Variants in SLC5A11 observed in about 807,000 individuals in gnomAD.
SLC5A11 encodes the protein sodium/myo-inositol cotransporter 2.
In SLC5A11, 48 loss-of-function variants were observed where a neutral mutation model predicts 69.8. The observed-to-expected ratio is 0.69, with a 90% CI of 0.55 to 0.87. The LOEUF (loss-of-function observed/expected upper bound fraction) is 0.87. SLC5A11 is among the 40% of genes least tolerant of loss of function. The pLI, the probability that SLC5A11 is intolerant of heterozygous loss-of-function variation, is 0.00. For missense variants in SLC5A11, 784 were observed against 866.1 expected (o/e 0.91, Z 1.19); for synonymous variants, 319 against 342.4 (o/e 0.93, Z 0.75).
intron 14 of SLC5A11, among the ~76,000 whole-genome samples, chr16:24,909,358 G>C (rs891450086): frequency 6.6e-6 from 1 of 152,108 alleles, no homozygotes; most frequent in Non-Finnish European, 1.5e-5. Context: ...TAAACATAAG[G>C]CTGGGGTGCG....
intron 9 of SLC5A11, among the ~76,000 whole-genome samples, chr16:24,896,801 T>C (rs567009794): frequency 2.6e-5 from 4 of 152,248 alleles, no homozygotes; most frequent in East Asian, 3.9e-4. Context: ...TTTCTCTCCA[T>C]TTCCTGGTTT....
At chr16:24,856,752 CAG>C (rs1480001021) in intron 1 of SLC5A11, among the ~76,000 whole-genome samples, 2 of 150,320 alleles carry the variant, frequency 1.3e-5, no homozygotes, top group Non-Finnish European at 3.0e-5. Context: ...GCCTGGGAGA[CAG>C]AGTGAGACTC....
intron 1 of SLC5A11, among the ~76,000 whole-genome samples, chr16:24,847,547 G>T (rs2059083928): frequency 6.6e-6 from 1 of 151,806 alleles, no homozygotes; most frequent in South Asian, 2.1e-4. Context: ...GTACAAATGG[G>T]GTCTCCCTGT....
At chr16:24,910,605 C>G in intron 15 of SLC5A11, 128 bp downstream of exon 16, 1 of 1,057,134 alleles carries the variant, frequency 9.5e-7, no homozygotes, top group South Asian at 1.7e-5. Flanking sequence ...TCCTCTGGCT[C>G]CAGTGTCTGA....
At chr16:24,901,469 G>T (rs1244440084) in intron 10 of SLC5A11, among the ~76,000 whole-genome samples, 1 of 151,790 alleles carries the variant, frequency 6.6e-6, no homozygotes, top group Non-Finnish European at 1.5e-5. Flanking sequence ...ACAAAAATTA[G>T]CCAGGCATGG....
intron 13 of SLC5A11, 68 bp from the exon 15 acceptor site, chr16:24,908,813 G>A (rs2050271979): frequency 1.3e-6 from 2 of 1,484,914 alleles, no homozygotes; most frequent in Admixed American, 3.7e-5. Context: ...TCCTGGAGAT[G>A]GCTTCTTGAG....
rs1438439991 is a variant in SLC5A11, at chr16:24,909,158, C to T, written c.1650+62C>T. The T allele has an allele frequency of 2.6e-6, 4 of 1,541,476 alleles. No homozygotes were observed. In the Admixed American group the frequency reaches 6.8e-5, roughly 26 times the overall value. On this transcript the variant is annotated intron_variant, in intron 14 of 15. Transcript: ENST00000347898. ...TTTGTTGGAAGTGACAGAAAACTGA[C>T]TCAAACTGACTTAAGCGAAGGAGAC... is the stretch of plus-strand genomic sequence containing the variant.
At chr16:24,856,684 T>C (rs1397220254) in intron 1 of SLC5A11, among the ~76,000 whole-genome samples, 2 of 146,058 alleles carry the variant, frequency 1.4e-5, no homozygotes, top group East Asian at 4.1e-4. Context: ...GGCAGGAGAA[T>C]GGTGTGAACC....
rs1167304105 is a variant in SLC5A11, at chr16:24,872,459, GA to G, written c.372+246del. On this transcript the variant is annotated intron_variant, in intron 5 of 15. Coordinates refer to ENST00000347898, the Ensembl canonical transcript of SLC5A11. Reference sequence around the variant, plus strand: ...GCACACAGAAGGCATTTGGAGGTTGGAAAAAATATGGACCCCAAAATTTTAA... The same window carrying G: ...GCACACAGAAGGCATTTGGAGGTTGGAAAAATATGGACCCCAAAATTTTAA... Among the ~76,000 whole-genome samples the G allele has an allele frequency of 6.6e-5, 10 of 152,170 alleles. No individual in the cohort carries two copies. The East Asian group carries it at 1.9e-3, about 29-fold the overall frequency.
chr16:24,895,563 A>C (rs953275346), intron 9 of SLC5A11, among the ~76,000 whole-genome samples: 7 of 100,676 alleles, frequency 7.0e-5, no homozygotes, highest in Non-Finnish European at 1.3e-4. Context: ...AGGACAGGAG[A>C]GGGGAGGGGA....
chr16:24,909,227 G>C (rs934002659), intron 14 of SLC5A11, 131 bp downstream of exon 15: 2 of 897,964 alleles, frequency 2.2e-6, no homozygotes, highest in African/African-American at 3.4e-5. Flanking sequence ...AGGTTCAGGG[G>C]CAGGATGATT....
At chr16:24,899,328 T>A (rs1039562009) in intron 10 of SLC5A11, among the ~76,000 whole-genome samples, 8 of 152,204 alleles carry the variant, frequency 5.3e-5, no homozygotes, top group Non-Finnish European at 1.2e-4. Context: ...CTCTGAAGTC[T>A]CATGTGAAAG....
At chr16:24,905,269 C>CAAAAAAAAAAAA (rs34703027) in intron 10 of SLC5A11, among the ~76,000 whole-genome samples, 1 of 80,428 alleles carries the variant, frequency 1.2e-5, no homozygotes, top group African/African-American at 5.1e-5. Context: ...ACTAAAAATA[C>CAAAAAAAAAAAA]AAAAAAAAAA....
intron 4 of SLC5A11, among the ~76,000 whole-genome samples, chr16:24,870,464 C>G (rs1317003071): frequency 6.7e-6 from 1 of 149,622 alleles, no homozygotes; most frequent in East Asian, 2.0e-4. Flanking sequence ...CACACACACA[C>G]AAACCCAAAA....
At chr16:24,865,358 T>G (rs1185867204) in intron 3 of SLC5A11, among the ~76,000 whole-genome samples, 2 of 152,078 alleles carry the variant, frequency 1.3e-5, no homozygotes, top group African/African-American at 4.8e-5. Context: ...GTCAGGAGTT[T>G]GAAACCAGCC....
At chr16:24,881,574 T>C (rs2667754) in intron 7 of SLC5A11, among the ~76,000 whole-genome samples, 68,756 of 151,936 alleles carry the variant, frequency 0.45, 16,529 homozygotes, top group African/African-American at 0.62. Flanking sequence ...AGATGTGAAC[T>C]ACTGTGCCCG....
intron 15 of SLC5A11, 28 bp downstream of exon 16, chr16:24,910,505 C>A (rs763976614): frequency 2.5e-6 from 4 of 1,607,474 alleles, no homozygotes; most frequent in East Asian, 4.5e-5. Context: ...TCAGTTACAG[C>A]AAGAAGGAGT....
chr16:24,903,926 A>T (rs934216803), intron 10 of SLC5A11, among the ~76,000 whole-genome samples: 1 of 152,184 alleles, frequency 6.6e-6, no homozygotes, highest in Non-Finnish European at 1.5e-5. Flanking sequence ...GGTAATTTAT[A>T]AAGGAAAGAG....
chr16:24,888,719 G>A (rs554892808), intron 8 of SLC5A11, among the ~76,000 whole-genome samples: 27 of 149,956 alleles, frequency 1.8e-4, no homozygotes, highest in Admixed American at 5.3e-4. Context: ...CCTGACCTCA[G>A]GCGATCTGCC....
Sources: gnomAD v4.1 joint callset for allele counts (sites outside exome capture counted in the v4.1 genomes callset) on GRCh38, gnomAD v4.1.1 for gene constraint, MANE v1.5 for transcripts, NCBI Gene and HGNC (gene_info 2026-07-23, HGNC 2026-07-21) for gene names.